Variants in COQ10B observed in about 807,000 individuals in gnomAD.
COQ10B encodes coenzyme Q-binding protein COQ10 homolog B, mitochondrial.
COQ10B carries 12 observed loss-of-function variants against 27.6 expected under a neutral mutation model. The observed-to-expected ratio is 0.43, with a 90% CI of 0.28 to 0.70. The LOEUF (loss-of-function observed/expected upper bound fraction) is 0.70. Ranked by LOEUF, COQ10B falls within the 30% of genes least tolerant of loss-of-function variation. The pLI is 0.17. For synonymous variants in COQ10B, 115 were observed against 103.0 expected (o/e 1.12, Z -0.71); for missense variants, 278 against 288.7 (o/e 0.96, Z 0.27).
In COQ10B at chr2:197,453,571, G is replaced by A. The variant is rs778004545; in HGVS notation, c.11G>A (p.Arg4Gln). 2 of 1,613,566 alleles carry A rather than the reference G, an allele frequency of 1.2e-6. No individual in the cohort carries two copies. The highest frequency in any genetic ancestry group is 1.3e-5 in the African/African-American group (1 of 74,918). ...TTCGGAGAGTCTATCATGGCAGCTCGGACTGGTCATACGGCCTTGAGAAGG... is the reference window on the plus strand; with the variant it reads ...TTCGGAGAGTCTATCATGGCAGCTCAGACTGGTCATACGGCCTTGAGAAGG... MAA[R>Q]TGHTALRRVV... Residue 4 changes from arginine to glutamine, a missense_variant, in exon 1 of 5, where the codon CGG becomes CAG. By Grantham distance (43) the Arg-to-Gln change is conservative. This residue lies in a region of COQ10B where 183 missense variants were observed against 158.2 expected (regional missense o/e 1.16). Transcript: ENST00000263960.
intron 3 of COQ10B, among the ~76,000 whole-genome samples, chr2:197,469,139 G>T (rs945654633): frequency 6.6e-6 from 1 of 152,022 alleles, no homozygotes; most frequent in Non-Finnish European, 1.5e-5. Context: ...GGCTCAAGCA[G>T]TCCCCTCACC....
Position 197,460,087 on chromosome 2 carries a change from T to A in COQ10B, c.254+6T>A, listed in dbSNP as rs778331984. Reference sequence around the variant, plus strand: ...TCAGAGAGAAGAATTTTAGGGTTCGTATATGATAAGAATTCTACTAAAAGA... The same window carrying A: ...TCAGAGAGAAGAATTTTAGGGTTCGAATATGATAAGAATTCTACTAAAAGA... On this transcript the variant is annotated splice_donor_region_variant and intron_variant, in intron 2 of 4. Coordinates refer to ENST00000263960, the MANE Select transcript of COQ10B (RefSeq NM_025147.5). 6.3e-7 allele frequency: 1 copy of A among 1,590,668 alleles called. No homozygotes were observed. The highest frequency in any genetic ancestry group is 1.1e-5 in the South Asian group (1 of 88,894).
chr2:197,464,032 TAC>T (rs1245033432), intron 3 of COQ10B, among the ~76,000 whole-genome samples: 46 of 84,680 alleles, frequency 5.4e-4, no homozygotes, highest in South Asian at 4.2e-3. Context: ...CACACATACA[TAC>T]ACACACATAT....
In COQ10B at chr2:197,473,873, A is replaced by G; in HGVS notation, c.666A>G (p.Pro222=). The stretch of plus-strand genomic sequence containing the variant: ...GAAGAGCATGTAAGCTGTATGGTCC[A>G]GAAACAAATATACCTCGGGAGTTAA... ...FERRACKLYG[P]ETNIPRELML... is the part of the protein sequence containing the mutation. The change falls in exon 5 of 5, where the codon CCA becomes CCG. Residue 222 remains proline (P), a synonymous_variant. Coordinates refer to ENST00000263960, the MANE Select transcript of COQ10B (RefSeq NM_025147.5). 2 of 1,595,786 alleles carry G rather than the reference A, an allele frequency of 1.3e-6. No individual in the cohort carries two copies. Among genetic ancestry groups the G allele is most frequent in the Non-Finnish European group, 8.6e-7 (1 of 1,168,744 alleles).
rs931985461 is a variant in COQ10B, at chr2:197,456,421, A to G, written c.104+2757A>G. Reference sequence around the variant, plus strand: ...AGAGGTTGCAGTGAGCCGAGATAGCACCGCTGCACTCCAGCCTGGCGGCAG... The same window carrying G: ...AGAGGTTGCAGTGAGCCGAGATAGCGCCGCTGCACTCCAGCCTGGCGGCAG... On this transcript the variant is annotated intron_variant, in intron 1 of 4. Transcript: ENST00000263960. Among the ~76,000 whole-genome samples the G allele has an allele frequency of 6.0e-5, 9 of 149,600 alleles. No homozygotes were observed. In the East Asian group the frequency reaches 1.6e-3, roughly 26 times the overall value.
chr2:197,453,573 A>G lies in COQ10B; in HGVS notation c.13A>G (p.Thr5Ala), dbSNP rs770577764. The G allele has an allele frequency of 6.2e-7, 1 of 1,613,572 alleles. No individual in the cohort carries two copies. Among genetic ancestry groups the G allele is most frequent in the Non-Finnish European group, 8.5e-7 (1 of 1,179,710 alleles). MAAR[T>A]GHTALRRVVS... is the part of the protein sequence containing the mutation. ...CGGAGAGTCTATCATGGCAGCTCGG[A>G]CTGGTCATACGGCCTTGAGAAGGGT... Residue 5 changes from threonine to alanine, a missense_variant, in exon 1 of 5, where the codon ACT becomes GCT. Thr to Ala is a moderately conservative substitution (Grantham distance 58). Coordinates refer to ENST00000263960, the MANE Select transcript of COQ10B (RefSeq NM_025147.5).
chr2:197,468,303 C>A (rs1574585446), intron 3 of COQ10B, among the ~76,000 whole-genome samples: 1 of 151,778 alleles, frequency 6.6e-6, no homozygotes, highest in East Asian at 1.9e-4. Context: ...ATTAGCCGAG[C>A]ATGGTGGCGG....
chr2:197,465,683 G>A (rs999098631), intron 3 of COQ10B, among the ~76,000 whole-genome samples: 7 of 152,020 alleles, frequency 4.6e-5, no homozygotes, highest in Admixed American at 2.6e-4. Context: ...GAAGCGGAAG[G>A]ATCGCTTGAG....
At chr2:197,469,379 A>G (rs2085857452) in intron 3 of COQ10B, among the ~76,000 whole-genome samples, 1 of 152,106 alleles carries the variant, frequency 6.6e-6, no homozygotes, top group Non-Finnish European at 1.5e-5. Context: ...CACAATAAGT[A>G]TTTTTTTTAT....
At chr2:197,459,319 A>G (rs1402705482) in intron 1 of COQ10B, among the ~76,000 whole-genome samples, 2 of 152,066 alleles carry the variant, frequency 1.3e-5, no homozygotes, top group East Asian at 3.9e-4. Flanking sequence ...GGCACATGCC[A>G]CCATGGCCGG....
At chr2:197,464,875 C>CTTT (rs200668143) in intron 3 of COQ10B, among the ~76,000 whole-genome samples, 2 of 138,546 alleles carry the variant, frequency 1.4e-5, no homozygotes, top group African/African-American at 5.3e-5. Context: ...GAACTTAAAT[C>CTTT]TTTTTTTTTT....
intron 1 of COQ10B, among the ~76,000 whole-genome samples, chr2:197,455,596 T>C (rs952227526): frequency 6.6e-6 from 1 of 151,876 alleles, no homozygotes; most frequent in African/African-American, 2.4e-5. Flanking sequence ...ACCCAGGAGG[T>C]TGAGGCTGCA....
At chr2:197,461,164 A>G (rs2085753552) in intron 2 of COQ10B, among the ~76,000 whole-genome samples, 2 of 152,230 alleles carry the variant, frequency 1.3e-5, no homozygotes, top group South Asian at 4.1e-4. Flanking sequence ...TAGTTAAGGT[A>G]ATGCTAACAG....
At chr2:197,465,111 TC>T (rs1481984673) in intron 3 of COQ10B, among the ~76,000 whole-genome samples, 1 of 152,076 alleles carries the variant, frequency 6.6e-6, no homozygotes, top group African/African-American at 2.4e-5. Context: ...GGTCTCGATC[TC>T]CTGACCTCAT....
intron 3 of COQ10B, among the ~76,000 whole-genome samples, chr2:197,465,484 G>C (rs961918514): frequency 6.6e-6 from 1 of 151,876 alleles, no homozygotes. Context: ...TAGAGACGGG[G>C]TTTCTCCATA....
chr2:197,454,998 GAAAATAGA>G (rs2085680909), intron 1 of COQ10B, among the ~76,000 whole-genome samples: 1 of 152,160 alleles, frequency 6.6e-6, no homozygotes, highest in African/African-American at 2.4e-5. Context: ...GGCAGTGCAT[GAAAATAGA>G]TGTGCTGTCC....
chr2:197,461,620 A>G (rs1407434372), intron 2 of COQ10B, among the ~76,000 whole-genome samples: 1 of 133,302 alleles, frequency 7.5e-6, no homozygotes, highest in Non-Finnish European at 1.6e-5. Flanking sequence ...AGAGGTGTAC[A>G]GGGTCTCAGA....
chr2:197,473,415 A>AAAAATATAT (rs1229206676), intron 4 of COQ10B, among the ~76,000 whole-genome samples: 10 of 59,520 alleles, frequency 1.7e-4, no homozygotes, highest in African/African-American at 3.4e-4. Flanking sequence ...AAAAAAAAAA[A>AAAAATATAT]ATATATATAT....
intron 3 of COQ10B, among the ~76,000 whole-genome samples, chr2:197,466,920 C>T (rs1418631683): frequency 6.6e-6 from 1 of 150,684 alleles, no homozygotes; most frequent in Admixed American, 6.6e-5. Flanking sequence ...GCTCAACTTT[C>T]AGTTGTTCCT....
Sources: gnomAD v4.1 joint callset for allele counts (sites outside exome capture counted in the v4.1 genomes callset) on GRCh38, gnomAD v4.1.1 for gene constraint, gnomAD v4.1.1 regional missense constraint, MANE v1.5 for transcripts, NCBI Gene and HGNC (gene_info 2026-07-23, HGNC 2026-07-21) for gene names.